Variants in DGKI observed in about 807,000 individuals in gnomAD.
DGKI encodes diacylglycerol kinase iota.
A neutral mutation model predicts 147.5 loss-of-function variants in DGKI; 55 were observed. That is an observed-to-expected ratio of 0.37 (90% CI 0.30 to 0.47). The LOEUF is 0.47. DGKI is among the 20% of genes least tolerant of loss of function. The pLI, the probability that DGKI is intolerant of heterozygous loss-of-function variation, is 1.00. For synonymous variants in DGKI, 469 were observed against 477.1 expected, an observed-to-expected ratio of 0.98 and a Z score of 0.22; for missense variants, 1,007 against 1,323.8, an observed-to-expected ratio of 0.76 and a Z score of 3.71.
At chr7:137,568,045 C>A (rs1818651710) in intron 19 of DGKI, among the ~76,000 whole-genome samples, 1 of 152,152 alleles carries the variant, frequency 6.6e-6, no homozygotes, top group Non-Finnish European at 1.5e-5. Flanking sequence ...TATTTTTACA[C>A]TGAAACCTTC....
intron 5 of DGKI, 131 bp downstream of exon 5, chr7:137,654,601 T>G: frequency 2.9e-6 from 2 of 700,262 alleles, no homozygotes; most frequent in South Asian, 3.2e-5. Flanking sequence ...CTTATTGATG[T>G]GTTAACAAAA....
In DGKI at chr7:137,407,920, C is replaced by T. The variant is rs1812017289; in HGVS notation, c.2875G>A (p.Ala959Thr). Reference protein sequence around the residue: ...PDHCSLLHYAAKTGNGEIVKY... With the variant: ...PDHCSLLHYATKTGNGEIVKY... ...ACAATCTCCCCGTTGCCGGTTTTAGCTGCGTAGTGAAGGAGTGAACAGTGG... is the reference window on the plus strand; with the variant it reads ...ACAATCTCCCCGTTGCCGGTTTTAGTTGCGTAGTGAAGGAGTGAACAGTGG... The change falls in exon 30 of 33, where the codon GCT (alanine) becomes ACT (threonine). Residue 959 changes from alanine to threonine, a missense_variant. Around this residue, in one of 5 missense-constraint regions of DGKI, gnomAD observed 385 missense variants for 445.2 expected, o/e 0.86. Transcript: ENST00000614521. 6.2e-7 allele frequency: 1 copy of T among 1,614,016 alleles called. No homozygotes were observed. The highest frequency in any genetic ancestry group is 1.3e-5 in the African/African-American group (1 of 74,944).
intron 21 of DGKI, among the ~76,000 whole-genome samples, chr7:137,518,511 C>A (rs2128951100): frequency 6.6e-6 from 1 of 152,164 alleles, no homozygotes; most frequent in South Asian, 2.1e-4. Context: ...ATACTGAGAT[C>A]ATGTATGTAA....
intron 1 of DGKI, among the ~76,000 whole-genome samples, chr7:137,701,991 GA>G (rs1824000397): frequency 2.0e-5 from 3 of 152,064 alleles, no homozygotes. Flanking sequence ...AAAGAACAGA[GA>G]TTCAAATATA....
intron 32 of DGKI, among the ~76,000 whole-genome samples, chr7:137,393,234 T>TA (rs397691562): frequency 7.9e-4 from 120 of 151,410 alleles, no homozygotes; most frequent in South Asian, 3.6e-3. Flanking sequence ...CATTTTTTTT[T>TA]AAAAAAAGCA....
chr7:137,760,442 C>G (rs897851393), intron 1 of DGKI, among the ~76,000 whole-genome samples: 1 of 152,158 alleles, frequency 6.6e-6, no homozygotes, highest in East Asian at 1.9e-4. Flanking sequence ...ACTTCCCTCC[C>G]GCCCCATCTT....
chr7:137,708,230 A>G (rs766433454), intron 1 of DGKI, among the ~76,000 whole-genome samples: 16 of 152,248 alleles, frequency 1.1e-4, no homozygotes, highest in African/African-American at 3.9e-4. Flanking sequence ...TGAGACAACC[A>G]TAACTTGGAT....
intron 1 of DGKI, among the ~76,000 whole-genome samples, chr7:137,824,860 T>C (rs907724554): frequency 5.3e-5 from 8 of 152,238 alleles, no homozygotes; most frequent in African/African-American, 1.9e-4. Context: ...GCCTCCAGCT[T>C]CATCCATATG....
chr7:137,616,687 T>A lies in DGKI; in HGVS notation c.993+3137A>T, dbSNP rs544603567. On this transcript the variant is annotated intron_variant, in intron 8 of 32. Transcript: ENST00000614521. ...CATAGGAAGAAGAATGATGACAACG[T>A]ATTGGAAAAACACATAATACATAAA... Among the ~76,000 whole-genome samples the A allele has an allele frequency of 1.9e-4, 29 of 152,168 alleles. 1 individual carries two copies. In the South Asian group the frequency reaches 5.2e-3, roughly 27 times the overall value.
intron 6 of DGKI, among the ~76,000 whole-genome samples, chr7:137,628,274 A>G (rs1821013473): frequency 6.6e-6 from 1 of 152,188 alleles, no homozygotes; most frequent in Non-Finnish European, 1.5e-5. Flanking sequence ...GCCAATCACA[A>G]TTGGGGCACT....
chr7:137,675,667 C>T (rs1365324199), intron 3 of DGKI, among the ~76,000 whole-genome samples: 5 of 134,338 alleles, frequency 3.7e-5, no homozygotes, highest in South Asian at 2.5e-4. Flanking sequence ...CCTGGGCAGC[C>T]GAGCAAGACT....
At chr7:137,469,727 C>A (rs1057150963) in intron 23 of DGKI, 108 bp from the exon 24 acceptor site, 2 of 857,376 alleles carry the variant, frequency 2.3e-6, no homozygotes, top group South Asian at 2.9e-5. Context: ...GTGAGAAGAG[C>A]AAATCACATT....
chr7:137,733,772 G>T (rs1393059741), intron 1 of DGKI, among the ~76,000 whole-genome samples: 2 of 152,076 alleles, frequency 1.3e-5, no homozygotes, highest in Non-Finnish European at 2.9e-5. Flanking sequence ...AGTGAAAAAA[G>T]AGTTAAAATT....
At chr7:137,754,446 C>T (rs1021889610) in intron 1 of DGKI, among the ~76,000 whole-genome samples, 16 of 152,312 alleles carry the variant, frequency 1.1e-4, no homozygotes, top group African/African-American at 3.4e-4. Flanking sequence ...GAGACTGCTG[C>T]GTGACCAGCT....
chr7:137,546,392 T>C (rs1282863625), intron 20 of DGKI, among the ~76,000 whole-genome samples: 3 of 152,168 alleles, frequency 2.0e-5, no homozygotes, highest in African/African-American at 4.8e-5. Flanking sequence ...AATTTAACCC[T>C]TTCATCACAC....
chr7:137,582,889 A>G (rs1030080998), intron 14 of DGKI, among the ~76,000 whole-genome samples: 1 of 152,206 alleles, frequency 6.6e-6, no homozygotes, highest in Non-Finnish European at 1.5e-5. Context: ...TAAAGTAAAT[A>G]AAGACGAGAA....
intron 28 of DGKI, among the ~76,000 whole-genome samples, chr7:137,418,697 T>C (rs916884036): frequency 6.6e-6 from 1 of 152,104 alleles, no homozygotes; most frequent in Non-Finnish European, 1.5e-5. Context: ...TGTCTGCCCA[T>C]AGTAGCAGTC....
intron 1 of DGKI, among the ~76,000 whole-genome samples, chr7:137,738,771 G>T (rs539025054): frequency 1.5e-5 from 2 of 134,476 alleles, no homozygotes; most frequent in Non-Finnish European, 3.1e-5. Context: ...GATACTCATT[G>T]TAAAGTCTGC....
chr7:137,732,715 C>T (rs775840719), intron 1 of DGKI, among the ~76,000 whole-genome samples: 12 of 151,986 alleles, frequency 7.9e-5, no homozygotes, highest in African/African-American at 1.2e-4. Flanking sequence ...AAGGTTCCTT[C>T]GGTTTCCTTC....
Sources: gnomAD v4.1 joint callset for allele counts (sites outside exome capture counted in the v4.1 genomes callset) on GRCh38, gnomAD v4.1.1 for gene constraint, gnomAD v4.1.1 regional missense constraint, MANE v1.5 for transcripts, NCBI Gene and HGNC (gene_info 2026-07-23, HGNC 2026-07-21) for gene names.